The following RIMS2 variants were observed in gnomAD, a reference collection of about 807,000 sequenced individuals.
RIMS2 encodes regulating synaptic membrane exocytosis 2, also known as regulating synaptic membrane exocytosis protein 2.
Under a neutral mutation model 174.4 loss-of-function variants are expected in RIMS2, and 59 were observed. The ratio of observed to expected loss-of-function variants is 0.34; its 90% CI spans 0.27 to 0.42. The LOEUF is 0.42. RIMS2 is among the 10% of genes least tolerant of loss of function. The pLI is 1.00. For synonymous variants in RIMS2, 606 were observed against 572.5 expected (o/e 1.06, Z -0.84); for missense variants, 1,620 against 1,666.3 (o/e 0.97, Z 0.48).
At chr8:104,211,934 G>A (rs1253130853) in intron 19 of RIMS2, among the ~76,000 whole-genome samples, 1 of 152,168 alleles carries the variant, frequency 6.6e-6, no homozygotes, top group Non-Finnish European at 1.5e-5. Flanking sequence ...TTAGAAGTAG[G>A]ATCGACAGAA....
intron 3 of RIMS2, among the ~76,000 whole-genome samples, chr8:103,773,648 T>G (rs182377575): frequency 7.9e-5 from 12 of 152,196 alleles, no homozygotes; most frequent in African/African-American, 2.9e-4. Context: ...GAGAATCACT[T>G]GAACCCAGGA....
In RIMS2 at chr8:104,233,483, A is replaced by G. The variant is rs182574675; in HGVS notation, c.3335-11433A>G. Among the ~76,000 whole-genome samples the G allele has an allele frequency of 3.9e-5, 6 of 152,330 alleles. No homozygotes were observed. The East Asian group carries it at 7.7e-4, about 20-fold the overall frequency. On this transcript the variant is annotated intron_variant, in intron 19 of 23. Coordinates refer to ENST00000504942, the Ensembl canonical transcript of RIMS2. ...AATCAGTCATCTGTAGGAGTTATCA[A>G]TCTCACTTGGTAGGAATGGCAGAGA...
At chr8:103,572,192 A>C (rs1373180870) in intron 1 of RIMS2, among the ~76,000 whole-genome samples, 1 of 152,150 alleles carries the variant, frequency 6.6e-6, no homozygotes, top group African/African-American at 2.4e-5. Flanking sequence ...CAAGTGTTAC[A>C]GCTCTTAAAG....
intron 3 of RIMS2, among the ~76,000 whole-genome samples, chr8:103,863,474 A>G (rs2154502191): frequency 6.6e-6 from 1 of 152,212 alleles, no homozygotes; most frequent in East Asian, 1.9e-4. Flanking sequence ...TGAGTTAGGG[A>G]GGTGCTACTC....
intron 1 of RIMS2, among the ~76,000 whole-genome samples, chr8:103,553,622 C>G (rs1481167528): frequency 6.6e-6 from 1 of 151,808 alleles, no homozygotes; most frequent in Non-Finnish European, 1.5e-5. Flanking sequence ...AATGGCCATA[C>G]TGCCCAAAGC....
intron 3 of RIMS2, among the ~76,000 whole-genome samples, chr8:103,848,794 G>A (rs1028614165): frequency 6.6e-6 from 1 of 152,018 alleles, no homozygotes; most frequent in African/African-American, 2.4e-5. Flanking sequence ...TACCATAGAA[G>A]ATTTGCTTAG....
chr8:104,200,646 G>A (rs913819665), intron 19 of RIMS2, among the ~76,000 whole-genome samples: 1 of 152,162 alleles, frequency 6.6e-6, no homozygotes, highest in Non-Finnish European at 1.5e-5. Flanking sequence ...TGGCGCTCAC[G>A]CTGTAATCCC....
intron 19 of RIMS2, among the ~76,000 whole-genome samples, chr8:104,243,995 A>T (rs947248559): frequency 2.0e-5 from 3 of 152,118 alleles, no homozygotes; most frequent in Admixed American, 2.0e-4. Flanking sequence ...CACCTTTGCC[A>T]TGCTGTTTCC....
At chr8:103,646,022 A>T (rs1460680907) in intron 1 of RIMS2, among the ~76,000 whole-genome samples, 1 of 151,866 alleles carries the variant, frequency 6.6e-6, no homozygotes, top group African/African-American at 2.4e-5. Context: ...TTACAGTCAA[A>T]GGGGGGTTGT....
rs757850373 is a variant in RIMS2 at position 104,093,527 on chromosome 8, G to A, written c.3334+78912G>A. Reference sequence around the variant, plus strand: ...CAGATAATGTTTCTACTAAATCTTCGGACAGTGATGTAAGTGATATATCTG... The same window carrying A: ...CAGATAATGTTTCTACTAAATCTTCAGACAGTGATGTAAGTGATATATCTG... On this transcript the variant is annotated intron_variant, in intron 19 of 23. Coordinates refer to ENST00000504942, the Ensembl canonical transcript of RIMS2. 16 of 1,597,036 alleles carry A rather than the reference G, an allele frequency of 1.0e-5. No individual in the cohort carries two copies. The East Asian group carries it at 1.3e-4, about 13-fold the overall frequency.
chr8:103,930,465 C>G (rs574689417), intron 11 of RIMS2, among the ~76,000 whole-genome samples: 4 of 152,142 alleles, frequency 2.6e-5, no homozygotes, highest in Non-Finnish European at 5.9e-5. Context: ...TATCATAGAT[C>G]CTGACATAGA....
intron 1 of RIMS2, among the ~76,000 whole-genome samples, chr8:103,630,656 TAA>T (rs1023552159): frequency 6.7e-5 from 10 of 150,336 alleles, no homozygotes; most frequent in Non-Finnish European, 1.5e-4. Flanking sequence ...AAGACTATGA[TAA>T]GTCACACACA....
chr8:103,819,761 TTTA>T, intron 3 of RIMS2: 1 of 608,182 alleles, frequency 1.6e-6, no homozygotes, highest in Non-Finnish European at 2.7e-6. Context: ...AATATAAAAT[TTTA>T]TATAGCATTC....
At chr8:103,584,359 G>A (rs58481171) in intron 1 of RIMS2, among the ~76,000 whole-genome samples, 7,319 of 152,150 alleles carry the variant, frequency 0.048, 584 homozygotes, top group African/African-American at 0.17. Context: ...CAATCAGAAA[G>A]AAGAGGACAT....
At chr8:103,596,544 T>C (rs2094484305) in intron 1 of RIMS2, among the ~76,000 whole-genome samples, 1 of 152,016 alleles carries the variant, frequency 6.6e-6, no homozygotes, top group South Asian at 2.1e-4. Context: ...ACATTCAATA[T>C]CCTCCTTCTA....
intron 3 of RIMS2, among the ~76,000 whole-genome samples, chr8:103,823,687 G>A (rs77598346): frequency 0.066 from 9,968 of 151,956 alleles, 374 homozygotes; most frequent in Non-Finnish European, 0.078. Context: ...AGTAATTTGT[G>A]TTCAGGAATT....
intron 1 of RIMS2, among the ~76,000 whole-genome samples, chr8:103,541,090 G>T (rs531375775): frequency 4.6e-5 from 7 of 152,168 alleles, no homozygotes; most frequent in Non-Finnish European, 7.3e-5. Flanking sequence ...TTTACTTAAA[G>T]AAATAATAGC....
chr8:103,535,380 T>C (rs1445000285), intron 1 of RIMS2, among the ~76,000 whole-genome samples: 2 of 152,258 alleles, frequency 1.3e-5, no homozygotes, highest in African/African-American at 4.8e-5. Context: ...GACTCTGATA[T>C]TAGAAACTAC....
At chr8:104,219,210 A>G (rs1180873040) in intron 19 of RIMS2, among the ~76,000 whole-genome samples, 1 of 152,248 alleles carries the variant, frequency 6.6e-6, no homozygotes, top group South Asian at 2.1e-4. Flanking sequence ...AGTAATCACT[A>G]TGGTTTTACA....
Sources: allele counts gnomAD v4.1 joint callset (sites outside exome capture counted in the v4.1 genomes callset), GRCh38; gene constraint gnomAD v4.1.1; transcripts MANE v1.5; gene names NCBI Gene and HGNC (gene_info 2026-07-23, HGNC 2026-07-21).